Variants in SYNPO2 observed in about 807,000 individuals in gnomAD.
SYNPO2 encodes synaptopodin-2.
Under a neutral mutation model 85.0 loss-of-function variants are expected in SYNPO2, and 56 were observed. The ratio of observed to expected loss-of-function variants is 0.66; its 90% CI spans 0.53 to 0.82. The LOEUF (loss-of-function observed/expected upper bound fraction) is 0.82, where lower values mean the gene tolerates loss of function less well. Ranked by LOEUF, SYNPO2 falls within the 40% of genes least tolerant of loss-of-function variation. The pLI is 0.00. For missense variants in SYNPO2, 1,575 were observed against 1,534.2 expected (o/e 1.03, Z -0.44); for synonymous variants, 602 against 591.1 (o/e 1.02, Z -0.27).
chr4:119,002,725 T>G (rs183831294), intron 1 of SYNPO2, among the ~76,000 whole-genome samples: 74 of 152,290 alleles, frequency 4.9e-4, no homozygotes, highest in African/African-American at 1.7e-3. Context: ...TTCCTCTTTT[T>G]TGTGGTTCCC....
chr4:119,057,374 A>G lies in SYNPO2; in HGVS notation c.3253-27A>G, dbSNP rs1168003147. The G allele has an allele frequency of 1.9e-6, 3 of 1,538,640 alleles. No individual in the cohort carries two copies. In the East Asian group the frequency reaches 6.8e-5, roughly 35 times the overall value. Reference sequence around the variant, plus strand: ...ATCAGCACAAACCAAAATGAATGAGATATATTAATATTTTCATTGTTTTTA... The same window carrying G: ...ATCAGCACAAACCAAAATGAATGAGGTATATTAATATTTTCATTGTTTTTA... On this transcript the variant is annotated intron_variant, in intron 4 of 4. Transcript: ENST00000307142.
chr4:118,894,017 A>T (rs983020399), intron 1 of SYNPO2, among the ~76,000 whole-genome samples: 2 of 150,580 alleles, frequency 1.3e-5, no homozygotes, highest in East Asian at 1.9e-4. Context: ...AATAAAACTT[A>T]AAAAAGAAGA....
chr4:119,009,046 C>T (rs1737189531), intron 1 of SYNPO2, among the ~76,000 whole-genome samples: 1 of 152,066 alleles, frequency 6.6e-6, no homozygotes. Flanking sequence ...ATTTTGTGAT[C>T]AGGTAGAGAA....
intron 1 of SYNPO2, among the ~76,000 whole-genome samples, chr4:118,921,428 A>G (rs1733530883): frequency 6.6e-6 from 1 of 152,082 alleles, no homozygotes; most frequent in Non-Finnish European, 1.5e-5. Context: ...TAGAACATCT[A>G]TCTGCCCATG....
intron 1 of SYNPO2, among the ~76,000 whole-genome samples, chr4:118,963,008 A>G (rs1430975798): frequency 2.0e-5 from 3 of 152,212 alleles, no homozygotes; most frequent in South Asian, 2.1e-4. Flanking sequence ...TTGTCCCATA[A>G]TATGAAGACA....
In SYNPO2 at chr4:119,030,251, C is replaced by T; in HGVS notation, c.1476C>T (p.Ala492=). The change falls in exon 4 of 5, where the codon GCC becomes GCT. Residue 492 remains alanine, a synonymous_variant. Transcript: ENST00000307142. ...TACCAGACACCACAGGCAAGGGAGC[C>T]CTCATGTTTGCCAAGAGGAGGGAGA... ...EMLPDTTGKG[A]LMFAKRRERM... 1 of 1,613,874 alleles carries T rather than the reference C, an allele frequency of 6.2e-7. No homozygotes were observed. The highest frequency in any genetic ancestry group is 8.5e-7 in the Non-Finnish European group (1 of 1,179,968).
At chr4:118,933,220 A>T (rs1172806834) in intron 1 of SYNPO2, among the ~76,000 whole-genome samples, 1 of 152,246 alleles carries the variant, frequency 6.6e-6, no homozygotes, top group Non-Finnish European at 1.5e-5. Flanking sequence ...ATCAAGTTCA[A>T]TAAGGAACAA....
chr4:118,904,562 C>T (rs1732870803), intron 1 of SYNPO2, among the ~76,000 whole-genome samples: 1 of 152,192 alleles, frequency 6.6e-6, no homozygotes, highest in Non-Finnish European at 1.5e-5. Context: ...GGACACTGAT[C>T]TCTGAATAGT....
intron 1 of SYNPO2, among the ~76,000 whole-genome samples, chr4:118,879,010 C>T (rs1312441072): frequency 6.6e-6 from 1 of 152,120 alleles, no homozygotes. Flanking sequence ...TCAGCGAGAC[C>T]ATGAACCCAC....
chr4:119,035,183 C>T (rs1258715366), intron 4 of SYNPO2: 1 of 985,278 alleles, frequency 1.0e-6, no homozygotes, highest in East Asian at 1.1e-4. Flanking sequence ...TCTGCAGGAC[C>T]TTAAACATTT....
At chr4:118,890,385 T>C (rs1032236000) in intron 1 of SYNPO2, among the ~76,000 whole-genome samples, 1 of 152,094 alleles carries the variant, frequency 6.6e-6, no homozygotes, top group African/African-American at 2.4e-5. Flanking sequence ...ACCCATGAAT[T>C]TTAGATGAGG....
At chr4:118,956,966 A>AC (rs1377383304) in intron 1 of SYNPO2, among the ~76,000 whole-genome samples, 1 of 151,866 alleles carries the variant, frequency 6.6e-6, no homozygotes, top group Non-Finnish European at 1.5e-5. Context: ...AATCACTTGA[A>AC]CCTGGGAGGT....
chr4:118,969,353 A>C (rs950753910), intron 1 of SYNPO2, among the ~76,000 whole-genome samples: 3 of 152,240 alleles, frequency 2.0e-5, no homozygotes, highest in African/African-American at 7.2e-5. Context: ...GACTAAAAAT[A>C]TATTTCCAAA....
At chr4:118,884,061 G>A (rs956763916), upstream of SYNPO2, among the ~76,000 whole-genome samples, 1 of 152,180 alleles carries the variant, frequency 6.6e-6, no homozygotes, top group Non-Finnish European at 1.5e-5. Flanking sequence ...CACACAGAGG[G>A]TTTGTATCAC....
At chr4:118,882,528 T>C (rs1263881897) in intron 1 of SYNPO2, among the ~76,000 whole-genome samples, 2 of 152,144 alleles carry the variant, frequency 1.3e-5, no homozygotes, top group Non-Finnish European at 2.9e-5. Flanking sequence ...CAAATACCCT[T>C]CAATCTTTTG....
intron 1 of SYNPO2, among the ~76,000 whole-genome samples, chr4:118,883,250 T>C (rs1732142075): frequency 6.6e-6 from 1 of 152,178 alleles, no homozygotes; most frequent in Admixed American, 6.5e-5. Context: ...TCTCCAAAAA[T>C]TTTTACCATT....
chr4:119,040,832 G>A (rs1339606433), intron 4 of SYNPO2, among the ~76,000 whole-genome samples: 1 of 152,206 alleles, frequency 6.6e-6, no homozygotes, highest in Non-Finnish European at 1.5e-5. Flanking sequence ...CTAGGAGGGC[G>A]CAGCTCACAG....
chr4:118,908,794 C>T (rs903062211), intron 1 of SYNPO2, among the ~76,000 whole-genome samples: 3 of 152,002 alleles, frequency 2.0e-5, no homozygotes, highest in Non-Finnish European at 2.9e-5. Flanking sequence ...AAGAGAAGGC[C>T]GTTGAAATTT....
chr4:118,901,730 C>T (rs994070398), intron 1 of SYNPO2, among the ~76,000 whole-genome samples: 4 of 152,156 alleles, frequency 2.6e-5, no homozygotes, highest in Non-Finnish European at 5.9e-5. Context: ...AATGAATTGA[C>T]GAGAAACCCT....
Sources: gnomAD v4.1 joint callset for allele counts (sites outside exome capture counted in the v4.1 genomes callset) on GRCh38, gnomAD v4.1.1 for gene constraint, MANE v1.5 for transcripts, NCBI Gene and HGNC (gene_info 2026-07-23, HGNC 2026-07-21) for gene names.